Variants in NUP210L observed in about 807,000 individuals in gnomAD.
The protein encoded by NUP210L is nucleoporin 210 like, also known as nuclear pore membrane glycoprotein 210-like.
Under a neutral mutation model 208.5 loss-of-function variants are expected in NUP210L, and 74 were observed. That is an observed-to-expected ratio of 0.35 (90% CI 0.29 to 0.43). The LOEUF (loss-of-function observed/expected upper bound fraction) is 0.43. Among genes scored for constraint, NUP210L ranks in the 20% least tolerant of loss-of-function variants. NUP210L has a pLI of 1.00. For synonymous variants in NUP210L, 780 were observed against 816.9 expected (o/e 0.95, Z 0.77); for missense variants, 1,843 against 2,289.4 (o/e 0.81, Z 3.98).
At chr1:154,055,124 T>TTTCC (rs1653751877) in intron 23 of NUP210L, among the ~76,000 whole-genome samples, 1 of 12,666 alleles carries the variant, frequency 7.9e-5, no homozygotes, top group Admixed American at 9.1e-4. Flanking sequence ...CTTTCTTTCT[T>TTTCC]TTCTTTCTTT....
intron 25 of NUP210L, among the ~76,000 whole-genome samples, chr1:154,053,430 C>T (rs2147983446): frequency 1.3e-5 from 2 of 152,328 alleles, no homozygotes; most frequent in Non-Finnish European, 2.9e-5. Context: ...ATGTTGGGAA[C>T]AGGCCCCCAA....
exon 35 of NUP210L, chr1:154,010,088 G>C (rs927144366): frequency 6.8e-6 from 11 of 1,614,010 alleles, no homozygotes; most frequent in Non-Finnish European, 9.3e-6. Context: ...AAGTACTTTT[G>C]TAATGGCCAA....
intron 10 of NUP210L, among the ~76,000 whole-genome samples, chr1:154,125,491 ATGTGCCTGC>A (rs1657843389): frequency 6.6e-6 from 1 of 150,560 alleles, no homozygotes; most frequent in Non-Finnish European, 1.5e-5. Context: ...GTGTGGTGGC[ATGTGCCTGC>A]AGTCCCAGCT....
intron 33 of NUP210L, among the ~76,000 whole-genome samples, chr1:154,016,682 G>A (rs1194979598): frequency 1.3e-5 from 2 of 152,112 alleles, no homozygotes; most frequent in Non-Finnish European, 2.9e-5. Flanking sequence ...AGTGGCTCAC[G>A]CCTGTAATCC....
chr1:154,061,378 A>AAAG (rs1553229822), intron 18 of NUP210L, among the ~76,000 whole-genome samples: 4 of 150,068 alleles, frequency 2.7e-5, no homozygotes, highest in Non-Finnish European at 5.9e-5. Flanking sequence ...ACTTCATCTC[A>AAAG]AATAATAATA....
At chr1:154,013,801 G>C (rs1250515590) in intron 33 of NUP210L, among the ~76,000 whole-genome samples, 1 of 152,058 alleles carries the variant, frequency 6.6e-6, no homozygotes, top group Non-Finnish European at 1.5e-5. Context: ...GTCTTGCTCT[G>C]TCACTCAGGC....
At chr1:154,071,368 T>G (rs902137169) in intron 16 of NUP210L, among the ~76,000 whole-genome samples, 2 of 152,012 alleles carry the variant, frequency 1.3e-5, no homozygotes, top group Admixed American at 6.6e-5. Flanking sequence ...TAGTGATGAT[T>G]TGTGAGATTC....
chr1:154,012,796 G>A (rs1651005038), intron 33 of NUP210L, among the ~76,000 whole-genome samples: 1 of 151,488 alleles, frequency 6.6e-6, no homozygotes, highest in Admixed American at 6.6e-5. Flanking sequence ...CTGGGGTCAG[G>A]AGTTCCAGAC....
At chr1:154,025,037 T>G (rs1651789049) in intron 30 of NUP210L, among the ~76,000 whole-genome samples, 1 of 147,662 alleles carries the variant, frequency 6.8e-6, no homozygotes, top group African/African-American at 2.5e-5. Flanking sequence ...CACGGCATTC[T>G]CCTGCCTCAG....
chr1:154,083,453 G>A (rs1655457688), intron 16 of NUP210L, among the ~76,000 whole-genome samples: 1 of 152,134 alleles, frequency 6.6e-6, no homozygotes, highest in Admixed American at 6.6e-5. Context: ...GAGGTCAGGG[G>A]AACCCCAACT....
At chr1:154,021,348 G>A (rs550786320) in intron 32 of NUP210L, among the ~76,000 whole-genome samples, 8 of 152,038 alleles carry the variant, frequency 5.3e-5, no homozygotes, top group South Asian at 2.1e-4. Flanking sequence ...TTAGCCAGGC[G>A]TGGTGTTGTG....
At chr1:154,112,562 T>C (rs535410387) in intron 12 of NUP210L, among the ~76,000 whole-genome samples, 1 of 152,172 alleles carries the variant, frequency 6.6e-6, no homozygotes, top group African/African-American at 2.4e-5. Context: ...ATGTATCCCA[T>C]AAATATATAC....
chr1:154,124,206 AAG>A (rs58306337), intron 10 of NUP210L, among the ~76,000 whole-genome samples: 47 of 150,776 alleles, frequency 3.1e-4, no homozygotes, highest in East Asian at 5.9e-4. Context: ...AAAAAAAAAA[AAG>A]AGAGAGAGAG....
intron 16 of NUP210L, among the ~76,000 whole-genome samples, chr1:154,071,369 T>C (rs1357075476): frequency 6.6e-6 from 1 of 152,052 alleles, no homozygotes; most frequent in Non-Finnish European, 1.5e-5. Context: ...AGTGATGATT[T>C]GTGAGATTCT....
chr1:154,012,365 C>T (rs781372240), exon 34 of NUP210L: 294 of 1,610,756 alleles, frequency 1.8e-4, no homozygotes, highest in Non-Finnish European at 2.5e-4. Context: ...ATGCATTGAC[C>T]ACCACCTGTC....
At chr1:154,114,051 G>T (rs555975727) in intron 12 of NUP210L, among the ~76,000 whole-genome samples, 2 of 151,392 alleles carry the variant, frequency 1.3e-5, no homozygotes, top group East Asian at 3.9e-4. Context: ...GCTGAGGCAG[G>T]AGAATTGCTT....
At chr1:154,040,319 G>A (rs926265735) in intron 27 of NUP210L, among the ~76,000 whole-genome samples, 5 of 151,704 alleles carry the variant, frequency 3.3e-5, no homozygotes, top group South Asian at 2.1e-4. Context: ...CAGGAGGATC[G>A]CTTGAGCCTA....
At chr1:153,995,824 AC>A (rs1649822990) in intron 37 of NUP210L, 2 of 623,772 alleles carry the variant, frequency 3.2e-6, no homozygotes, top group Non-Finnish European at 6.1e-6. Context: ...TGAAGTTCTT[AC>A]GAGATTGTCC....
intron 33 of NUP210L, among the ~76,000 whole-genome samples, 170 bp downstream of exon 33, chr1:154,018,763 T>C (rs1306506472): frequency 6.6e-6 from 1 of 152,166 alleles, no homozygotes; most frequent in Non-Finnish European, 1.5e-5. Context: ...ATTCTGCTGG[T>C]TAAGAATCCT....
Sources: gnomAD v4.1 joint callset for allele counts (sites outside exome capture counted in the v4.1 genomes callset) on GRCh38, gnomAD v4.1.1 for gene constraint, MANE v1.5 for transcripts, NCBI Gene and HGNC (gene_info 2026-07-23, HGNC 2026-07-21) for gene names.